SLC4A5: variants seen among roughly 807,000 people sequenced by gnomAD.
SLC4A5 encodes electrogenic sodium bicarbonate cotransporter 4.
Under a neutral mutation model 120.4 loss-of-function variants are expected in SLC4A5, and 96 were observed. The ratio of observed to expected loss-of-function variants is 0.80; its 90% CI spans 0.68 to 0.94. The LOEUF is 0.94. Among genes scored for constraint, SLC4A5 ranks in the 40% least tolerant of loss-of-function variants. SLC4A5 has a pLI of 0.00. For missense variants in SLC4A5, 1,259 were observed against 1,459.5 expected, an observed-to-expected ratio of 0.86 and a Z score of 2.24; for synonymous variants, 550 against 571.1, an observed-to-expected ratio of 0.96 and a Z score of 0.53.
At position 74,255,749 on chromosome 2, in the gene SLC4A5, T is replaced by C. The variant is rs930844912; in HGVS notation, c.1025+26A>G. 6.2e-7 allele frequency: 1 copy of C among 1,612,278 alleles called. No individual in the cohort carries two copies. On this transcript the variant is annotated intron_variant, in intron 13 of 30. Coordinates refer to ENST00000394019, the Ensembl canonical transcript of SLC4A5. The surrounding 1 kb of genome is among the most constrained non-coding windows in gnomAD (Gnocchi z 4.0). Reference sequence around the variant, plus strand: ...GCTGACTGGCTACCTGAGAGTGGCGTGGGGACAGGTTTCAATGGCTCTCAC... The same window carrying C: ...GCTGACTGGCTACCTGAGAGTGGCGCGGGGACAGGTTTCAATGGCTCTCAC...
At chr2:74,265,481 T>C (rs550990248) in intron 8 of SLC4A5, among the ~76,000 whole-genome samples, 1 of 152,334 alleles carries the variant, frequency 6.6e-6, no homozygotes, top group South Asian at 2.1e-4. Flanking sequence ...TCCAGAGAAG[T>C]ATACAGGGGC....
chr2:74,323,597 A>G (rs550609465), intron 5 of SLC4A5, among the ~76,000 whole-genome samples: 2 of 152,338 alleles, frequency 1.3e-5, no homozygotes, highest in Admixed American at 1.3e-4. Context: ...AATGAAATGT[A>G]AAAGATTTGA....
At chr2:74,275,959 G>C (rs192907231) in intron 8 of SLC4A5, among the ~76,000 whole-genome samples, 24 of 152,252 alleles carry the variant, frequency 1.6e-4, no homozygotes, top group African/African-American at 5.8e-4. Context: ...TACCACCCTG[G>C]GTTTTAGTTA....
At chr2:74,244,411 TTCCC>T (rs1670541545) in intron 19 of SLC4A5, among the ~76,000 whole-genome samples, 1 of 138,380 alleles carries the variant, frequency 7.2e-6, no homozygotes, top group South Asian at 2.7e-4. Context: ...CCCCCCTTCC[TTCCC>T]TCCCTCCTTC....
Position 74,313,366 on chromosome 2 carries a change from ATG to A in SLC4A5, c.79+1577_79+1578del, listed in dbSNP as rs577047012. On this transcript the variant is annotated intron_variant, in intron 6 of 30. Coordinates refer to ENST00000394019, the Ensembl canonical transcript of SLC4A5. ...TTTCTCAGCTGAACTATGGAGAAGCATGTCTAAGCCTTTTAGAGAGAAGTTGA... is the reference window on the plus strand; with the variant it reads ...TTTCTCAGCTGAACTATGGAGAAGCATCTAAGCCTTTTAGAGAGAAGTTGA... Among the ~76,000 whole-genome samples, 8 of 152,356 alleles carry A rather than the reference ATG, an allele frequency of 5.3e-5. No individual in the cohort carries two copies. The East Asian group carries it at 1.5e-3, about 29-fold the overall frequency.
intron 7 of SLC4A5, among the ~76,000 whole-genome samples, chr2:74,300,657 C>G (rs1672452960): frequency 6.6e-6 from 1 of 152,146 alleles, no homozygotes; most frequent in Admixed American, 6.5e-5. Context: ...GTTTCTCCTC[C>G]TATAGTTTCC....
At chr2:74,326,146 T>TA (rs1215772044) in intron 5 of SLC4A5, among the ~76,000 whole-genome samples, 2 of 152,088 alleles carry the variant, frequency 1.3e-5, no homozygotes, top group East Asian at 1.9e-4. Context: ...TTTAAAAAAA[T>TA]AAAAAAATTT....
At chr2:74,299,376 C>A (rs201552587) in intron 7 of SLC4A5, among the ~76,000 whole-genome samples, 6 of 152,090 alleles carry the variant, frequency 3.9e-5, no homozygotes, top group African/African-American at 1.2e-4. Flanking sequence ...TTTCATGAGA[C>A]CTGATGGTTT....
At chr2:74,325,366 C>T (rs1399008864) in intron 5 of SLC4A5, among the ~76,000 whole-genome samples, 3 of 152,198 alleles carry the variant, frequency 2.0e-5, no homozygotes, top group Non-Finnish European at 4.4e-5. Context: ...TCTGGACTAG[C>T]TAAGACCATT....
intron 27 of SLC4A5, among the ~76,000 whole-genome samples, chr2:74,226,182 G>T (rs1369386835): frequency 6.6e-6 from 1 of 151,326 alleles, no homozygotes; most frequent in African/African-American, 2.5e-5. Flanking sequence ...TTCATGGGCA[G>T]CCCGGGTCAA....
chr2:74,228,540 G>A (rs1359501362), intron 25 of SLC4A5, among the ~76,000 whole-genome samples: 3 of 152,188 alleles, frequency 2.0e-5, no homozygotes, highest in African/African-American at 7.2e-5. Flanking sequence ...TGAGGCAGAA[G>A]AATCGCTTGA....
chr2:74,279,208 A>C (rs1271569799), intron 8 of SLC4A5, among the ~76,000 whole-genome samples: 1 of 152,214 alleles, frequency 6.6e-6, no homozygotes, highest in East Asian at 1.9e-4. Context: ...ATGGACAAGC[A>C]TCTTGGAAGA....
chr2:74,339,516 T>G (rs989195796), intron 2 of SLC4A5: 1 of 152,222 alleles, frequency 6.6e-6, no homozygotes, highest in African/African-American at 2.4e-5. Context: ...AGGGTGCCTA[T>G]GGGTACAGTA....
intron 5 of SLC4A5, among the ~76,000 whole-genome samples, chr2:74,323,576 C>T (rs1673145133): frequency 6.6e-6 from 1 of 151,928 alleles, no homozygotes; most frequent in Admixed American, 6.6e-5. Context: ...GAACGAGCCA[C>T]TCAGGGAAAA....
chr2:74,259,480 C>T, intron 12 of SLC4A5, 108 bp downstream of exon 12: 1 of 1,284,822 alleles, frequency 7.8e-7, no homozygotes, highest in African/African-American at 1.5e-5. Context: ...GGAACTCCCA[C>T]TCCTTTGTAG....
At chr2:74,282,716 C>G (rs1466409047) in intron 8 of SLC4A5, among the ~76,000 whole-genome samples, 9 of 152,210 alleles carry the variant, frequency 5.9e-5, no homozygotes, top group Non-Finnish European at 1.2e-4. Flanking sequence ...GCCATAAGGC[C>G]TTCTTGGCAA....
exon 14 of SLC4A5, chr2:74,254,676 C>T (rs759326089): frequency 3.1e-6 from 5 of 1,613,820 alleles, no homozygotes; most frequent in East Asian, 4.5e-5. Flanking sequence ...ATTTTGCTCT[C>T]CCAGAAGGTC....
At chr2:74,318,281 C>T (rs13396412) in intron 5 of SLC4A5, among the ~76,000 whole-genome samples, 12,534 of 152,160 alleles carry the variant, frequency 0.082, 1,681 homozygotes, top group African/African-American at 0.28. Flanking sequence ...AAAGAAGACA[C>T]ATAAATGGCC....
intron 5 of SLC4A5, chr2:74,319,458 T>G (rs1423412998): frequency 6.6e-6 from 1 of 152,190 alleles, no homozygotes; most frequent in South Asian, 2.1e-4. Context: ...GCATGACCCC[T>G]GTACAAAGAT....
Sources: gnomAD v4.1 joint callset for allele counts (sites outside exome capture counted in the v4.1 genomes callset) on GRCh38, gnomAD v4.1.1 for gene constraint, Gnocchi (gnomAD v3.1) non-coding constraint, MANE v1.5 for transcripts, NCBI Gene and HGNC (gene_info 2026-07-23, HGNC 2026-07-21) for gene names.